MARK1: variants seen among roughly 807,000 people sequenced by gnomAD.
The protein encoded by MARK1 is serine/threonine-protein kinase MARK1.
In MARK1, 40 loss-of-function variants were observed where a neutral mutation model predicts 96.3. The observed-to-expected ratio is 0.42, with a 90% CI of 0.32 to 0.54. The LOEUF is 0.54. Ranked by LOEUF, MARK1 falls within the 20% of genes least tolerant of loss-of-function variation. The pLI, the probability that MARK1 is intolerant of heterozygous loss-of-function variation, is 0.16. For synonymous variants in MARK1, 317 were observed against 341.2 expected, an observed-to-expected ratio of 0.93 and a Z score of 0.78; for missense variants, 719 against 984.6, an observed-to-expected ratio of 0.73 and a Z score of 3.61.
intron 9 of MARK1, among the ~76,000 whole-genome samples, chr1:220,622,732 A>C (rs938958982): frequency 2.0e-5 from 3 of 152,080 alleles, no homozygotes; most frequent in Non-Finnish European, 4.4e-5. Flanking sequence ...CCCTGTCTCT[A>C]CATTAGCTGG....
chr1:220,617,719 T>G (rs1666833125), intron 7 of MARK1, among the ~76,000 whole-genome samples: 1 of 152,166 alleles, frequency 6.6e-6, no homozygotes, highest in Non-Finnish European at 1.5e-5. Context: ...AAAAAGAAGC[T>G]TAAAACAGAC....
At chr1:220,530,808 T>C (rs1660263160) in intron 1 of MARK1, among the ~76,000 whole-genome samples, 1 of 152,212 alleles carries the variant, frequency 6.6e-6, no homozygotes, top group Admixed American at 6.5e-5. Context: ...TTTATGGTCT[T>C]GTGCCTTATT....
At chr1:220,552,878 G>T (rs552624192) in intron 1 of MARK1, among the ~76,000 whole-genome samples, 176 of 152,214 alleles carry the variant, frequency 1.2e-3, no homozygotes, top group African/African-American at 4.1e-3. Context: ...GCCACCCCCA[G>T]GAGTGGTGCT....
intron 1 of MARK1, among the ~76,000 whole-genome samples, chr1:220,530,913 CAATT>C (rs748144722): frequency 1.0e-3 from 157 of 151,902 alleles, no homozygotes; most frequent in Non-Finnish European, 2.0e-3. Context: ...TGACACCTGT[CAATT>C]AATAAGTATG....
chr1:220,572,682 T>A (rs959211516), intron 1 of MARK1, among the ~76,000 whole-genome samples: 2 of 152,244 alleles, frequency 1.3e-5, no homozygotes, highest in African/African-American at 4.8e-5. Flanking sequence ...TGAACAGTCA[T>A]ATGTCTTTTA....
intron 9 of MARK1, among the ~76,000 whole-genome samples, chr1:220,629,734 C>T (rs1387663597): frequency 7.9e-5 from 12 of 152,168 alleles, no homozygotes; most frequent in Admixed American, 7.9e-4. Flanking sequence ...GCTTATTTCA[C>T]TTAGCATAAT....
At chr1:220,658,446 T>A (rs1291825834) in intron 17 of MARK1, among the ~76,000 whole-genome samples, 1 of 152,226 alleles carries the variant, frequency 6.6e-6, no homozygotes, top group African/African-American at 2.4e-5. Flanking sequence ...CAGGTGCCTG[T>A]GCATTTGCAT....
intron 14 of MARK1, among the ~76,000 whole-genome samples, chr1:220,651,751 G>A (rs978545480): frequency 6.6e-6 from 1 of 152,070 alleles, no homozygotes; most frequent in African/African-American, 2.4e-5. Context: ...TACATAGTGT[G>A]TGTGAGATTT....
intron 1 of MARK1, among the ~76,000 whole-genome samples, chr1:220,548,974 A>G (rs1661684859): frequency 6.6e-6 from 1 of 152,146 alleles, no homozygotes; most frequent in Non-Finnish European, 1.5e-5. Context: ...AAGCCCTCCC[A>G]AAGTAGCTTC....
chr1:220,645,514 A>C (rs1411568708), intron 13 of MARK1, among the ~76,000 whole-genome samples: 1 of 152,220 alleles, frequency 6.6e-6, no homozygotes, highest in African/African-American at 2.4e-5. Flanking sequence ...ATTTCTTCTG[A>C]AACTATTCCA....
chr1:220,563,147 T>C (rs551313354), intron 1 of MARK1, among the ~76,000 whole-genome samples: 24 of 152,292 alleles, frequency 1.6e-4, no homozygotes, highest in African/African-American at 5.5e-4. Flanking sequence ...AATGAAATAA[T>C]GTATCCCAAA....
At chr1:220,612,171 TA>T (rs1666483934) in intron 6 of MARK1, among the ~76,000 whole-genome samples, 1 of 152,264 alleles carries the variant, frequency 6.6e-6, no homozygotes, top group Non-Finnish European at 1.5e-5. Context: ...TATTGCTACT[TA>T]TTTTTTAAGG....
At chr1:220,585,614 C>G (rs938143246) in intron 3 of MARK1, among the ~76,000 whole-genome samples, 3 of 152,104 alleles carry the variant, frequency 2.0e-5, no homozygotes, top group African/African-American at 7.2e-5. Flanking sequence ...GCAAGCATAT[C>G]CAAAGAGTAT....
Position 220,653,485 on chromosome 1 carries a change from G to A in MARK1, c.1988+133G>A, listed in dbSNP as rs966021083. 5.4e-6 allele frequency: 5 copies of A among 933,000 alleles called. No homozygotes were observed. The African/African-American group carries it at 8.4e-5, about 16-fold the overall frequency. 57.8% of individuals were successfully genotyped at this position (933,000 alleles called of 1,614,324 possible). A position where few individuals can be genotyped will look rare whatever the true frequency, so the allele number is the denominator to read the frequency against. ...TTCATTAGAGCTGCTCTTTTACAGA[G>A]TTGGAAGAAAAAAATCTAGGAAGAC... On this transcript the variant is annotated intron_variant, in intron 16 of 17. Coordinates refer to ENST00000366917, the MANE Select transcript of MARK1 (RefSeq NM_018650.5).
chr1:220,662,157 T>C lies in MARK1; in HGVS notation c.2379T>C (p.Leu793=), dbSNP rs1296073377. 2 of 1,608,450 alleles carry C rather than the reference T, an allele frequency of 1.2e-6. No homozygotes were observed. The highest frequency in any genetic ancestry group is 1.7e-6 in the Non-Finnish European group (2 of 1,178,026). ...KNIASKIANE[L]KL is the part of the protein sequence containing the mutation. ...TTGCATCAAAAATAGCAAATGAGCTTAAGCTGTAAAGAAGTCCAAATTTAC... is the reference window on the plus strand; with the variant it reads ...TTGCATCAAAAATAGCAAATGAGCTCAAGCTGTAAAGAAGTCCAAATTTAC... Residue 793 remains leucine, a synonymous_variant, in exon 18 of 18, where the codon CTT becomes CTC. Transcript: ENST00000366917.
chr1:220,625,954 A>C, intron 9 of MARK1: 1 of 549,394 alleles, frequency 1.8e-6, no homozygotes, highest in South Asian at 1.4e-5. Flanking sequence ...GGATGACTAC[A>C]TTAAATTCTT....
intron 1 of MARK1, among the ~76,000 whole-genome samples, chr1:220,541,356 T>C: frequency 6.6e-6 from 1 of 152,208 alleles, no homozygotes; most frequent in East Asian, 1.9e-4. Flanking sequence ...GAGAATGTTC[T>C]GTGTGTGCTT....
chr1:220,656,618 A>C (rs137873145), intron 16 of MARK1, among the ~76,000 whole-genome samples: 1 of 152,300 alleles, frequency 6.6e-6, no homozygotes, highest in African/African-American at 2.4e-5. Context: ...GCCTGCTCAA[A>C]AATGTTTTAT....
intron 1 of MARK1, among the ~76,000 whole-genome samples, chr1:220,530,412 A>G (rs562840529): frequency 2.0e-5 from 3 of 152,350 alleles, no homozygotes; most frequent in Non-Finnish European, 4.4e-5. Context: ...TTTTTCTAAC[A>G]GGAACATTAA....
Sources: gnomAD v4.1 joint callset for allele counts (sites outside exome capture counted in the v4.1 genomes callset) on GRCh38, gnomAD v4.1.1 for gene constraint, MANE v1.5 for transcripts, NCBI Gene and HGNC (gene_info 2026-07-23, HGNC 2026-07-21) for gene names.